PIEZO2: variants seen among roughly 807,000 people sequenced by gnomAD.
PIEZO2 encodes piezo-type mechanosensitive ion channel component 2.
A neutral mutation model predicts 337.3 loss-of-function variants in PIEZO2; 172 were observed. The observed-to-expected ratio is 0.51, with a 90% CI of 0.45 to 0.58. PIEZO2 has a LOEUF of 0.58. Ranked by LOEUF, PIEZO2 falls within the 20% of genes least tolerant of loss-of-function variation. The pLI, the probability that PIEZO2 is intolerant of heterozygous loss-of-function variation, is 0.00. For synonymous variants in PIEZO2, 1,251 were observed against 1,228.5 expected, an observed-to-expected ratio of 1.02 and a Z score of -0.38; for missense variants, 3,028 against 3,391.3, an observed-to-expected ratio of 0.89 and a Z score of 2.66.
intron 32 of PIEZO2, among the ~76,000 whole-genome samples, chr18:10,742,086 C>T (rs537174348): frequency 1.6e-3 from 242 of 151,994 alleles, no homozygotes; most frequent in African/African-American, 5.1e-3. Context: ...ACCCGGGAGG[C>T]GGAGCTTGCA....
At chr18:10,793,869 A>G (rs1322957206) in intron 13 of PIEZO2, among the ~76,000 whole-genome samples, 3 of 152,050 alleles carry the variant, frequency 2.0e-5, no homozygotes, top group Non-Finnish European at 2.9e-5. Context: ...TGTTTCATTT[A>G]CCCCAGTAGC....
intron 7 of PIEZO2, among the ~76,000 whole-genome samples, chr18:10,820,861 G>A (rs924184644): frequency 6.6e-6 from 1 of 152,100 alleles, no homozygotes; most frequent in Non-Finnish European, 1.5e-5. Flanking sequence ...GGTATGATTA[G>A]CTCAGTCCCA....
At chr18:10,998,914 C>A (rs1215714981) in intron 2 of PIEZO2, among the ~76,000 whole-genome samples, 2 of 146,146 alleles carry the variant, frequency 1.4e-5, no homozygotes, top group African/African-American at 5.1e-5. Flanking sequence ...CAGTCAGGAA[C>A]TGGGATTTAA....
chr18:10,885,760 A>G (rs990549902), intron 4 of PIEZO2, among the ~76,000 whole-genome samples: 2 of 152,144 alleles, frequency 1.3e-5, no homozygotes, highest in African/African-American at 4.8e-5. Context: ...CCTGAATTAC[A>G]AAGTGAAAAA....
intron 28 of PIEZO2, among the ~76,000 whole-genome samples, chr18:10,751,999 TG>T (rs1205231650): frequency 6.6e-6 from 1 of 152,100 alleles, no homozygotes; most frequent in African/African-American, 2.4e-5. Flanking sequence ...TGGTGCGGGT[TG>T]TGGGGGGGGA....
At chr18:10,971,286 C>T (rs548006722) in intron 3 of PIEZO2, among the ~76,000 whole-genome samples, 1 of 152,062 alleles carries the variant, frequency 6.6e-6, no homozygotes, top group Non-Finnish European at 1.5e-5. Flanking sequence ...AATCTCAGGG[C>T]GACACACACT....
chr18:10,996,209 T>G (rs1337156190), intron 2 of PIEZO2, among the ~76,000 whole-genome samples: 1 of 152,210 alleles, frequency 6.6e-6, no homozygotes, highest in Non-Finnish European at 1.5e-5. Context: ...GTTTGTTGCT[T>G]TCACTGAAGA....
chr18:10,804,415 CAGCACT>C (rs1216874066), intron 8 of PIEZO2, among the ~76,000 whole-genome samples: 1 of 152,240 alleles, frequency 6.6e-6, no homozygotes, highest in African/African-American at 2.4e-5. Flanking sequence ...AGAGCTCACA[CAGCACT>C]AAGCAAGAGC....
At position 11,104,301 on chromosome 18, in the gene PIEZO2, T is replaced by C. The variant is rs558670211; in HGVS notation, c.65-38079A>G. Among the ~76,000 whole-genome samples the C allele has an allele frequency of 6.6e-6, 1 of 152,300 alleles. No homozygotes were observed. Among genetic ancestry groups the C allele is most frequent in the Admixed American group, 6.5e-5 (1 of 15,302 alleles). On this transcript the variant is annotated intron_variant, in intron 1 of 55. Transcript: ENST00000674853. This position sits in a 1 kb window ranked among gnomAD's most constrained non-coding sequence, Gnocchi z 4.6. Reference sequence around the variant, plus strand: ...GGGAGAATATCGTGAGGAAGAATCCTATGCAGAAAGCTATGCTGTTAGCCC... The same window carrying C: ...GGGAGAATATCGTGAGGAAGAATCCCATGCAGAAAGCTATGCTGTTAGCCC...
rs566945754 is a variant in PIEZO2 at position 10,673,762 on chromosome 18, G to A, written c.8162-889C>T. On this transcript the variant is annotated intron_variant, in intron 54 of 55. Coordinates refer to ENST00000674853, the MANE Select transcript of PIEZO2 (RefSeq NM_001378183.1). The surrounding 1 kb of genome is among the most constrained non-coding windows in gnomAD (Gnocchi z 4.8). ...TGAACTATAAACTAAACTGTGTGAA[G>A]GTGGGAGCAACATCAGCATCATTTC... Among the ~76,000 whole-genome samples the A allele has an allele frequency of 3.9e-5, 6 of 152,260 alleles. 1 individual carries two copies. In the South Asian group the frequency reaches 1.2e-3, roughly 32 times the overall value.
At chr18:10,699,819 G>A (rs1174230072) in intron 43 of PIEZO2, among the ~76,000 whole-genome samples, 2 of 152,182 alleles carry the variant, frequency 1.3e-5, no homozygotes, top group African/African-American at 4.8e-5. Context: ...TCACCCTGAT[G>A]ACCTTGCTGC....
chr18:10,967,966 C>A (rs1217478296), intron 3 of PIEZO2, among the ~76,000 whole-genome samples: 1 of 151,746 alleles, frequency 6.6e-6, no homozygotes, highest in Non-Finnish European at 1.5e-5. Context: ...TAATTAAGTC[C>A]CATCTATTTA....
intron 2 of PIEZO2, among the ~76,000 whole-genome samples, chr18:11,015,816 A>G (rs1410883958): frequency 1.3e-5 from 2 of 152,256 alleles, no homozygotes. Context: ...ATAAACACGA[A>G]CACACACAAA....
chr18:10,891,269 AG>A (rs2042747397), intron 4 of PIEZO2, among the ~76,000 whole-genome samples: 1 of 152,196 alleles, frequency 6.6e-6, no homozygotes, highest in Non-Finnish European at 1.5e-5. Context: ...GGTTGCAGTG[AG>A]CGAGATTGCG....
chr18:10,715,064 G>A, intron 38 of PIEZO2, 134 bp from the exon 39 acceptor site: 1 of 836,028 alleles, frequency 1.2e-6, no homozygotes, highest in Non-Finnish European at 1.8e-6. Flanking sequence ...TAGGCAAGTG[G>A]GGATTGATGT....
At chr18:11,091,769 T>A (rs1598946461) in intron 1 of PIEZO2, among the ~76,000 whole-genome samples, 1 of 152,220 alleles carries the variant, frequency 6.6e-6, no homozygotes, top group Non-Finnish European at 1.5e-5. Flanking sequence ...ATATGTTCTC[T>A]GGGATAAAGG....
intron 4 of PIEZO2, among the ~76,000 whole-genome samples, chr18:10,902,876 G>T (rs941038643): frequency 2.6e-5 from 4 of 152,166 alleles, no homozygotes; most frequent in Non-Finnish European, 5.9e-5. Flanking sequence ...CATTGCTCGT[G>T]GGTCATGGGT....
intron 2 of PIEZO2, among the ~76,000 whole-genome samples, chr18:10,998,390 C>T (rs2035408630): frequency 6.6e-6 from 1 of 151,744 alleles, no homozygotes; most frequent in Admixed American, 6.6e-5. Context: ...TCCTTAATTA[C>T]AGTCTTGCTC....
chr18:10,758,842 C>T (rs1354633075), intron 26 of PIEZO2, among the ~76,000 whole-genome samples: 1 of 152,202 alleles, frequency 6.6e-6, no homozygotes, highest in Non-Finnish European at 1.5e-5. Context: ...GAGAGCTGTC[C>T]TCCCAGCAAC....
Sources: gnomAD v4.1 joint callset for allele counts (sites outside exome capture counted in the v4.1 genomes callset) on GRCh38, gnomAD v4.1.1 for gene constraint, Gnocchi (gnomAD v3.1) non-coding constraint, MANE v1.5 for transcripts, NCBI Gene and HGNC (gene_info 2026-07-23, HGNC 2026-07-21) for gene names.